RAD51B: variants seen among roughly 807,000 people sequenced by gnomAD.
RAD51B encodes the protein RAD51 paralog B.
Under a neutral mutation model 42.2 loss-of-function variants are expected in RAD51B, and 38 were observed. That is an observed-to-expected ratio of 0.90 (90% CI 0.70 to 1.18). The LOEUF is 1.18. Ranked by LOEUF, RAD51B falls within the 50% of genes most tolerant of loss-of-function variation. RAD51B has a pLI of 0.00. For synonymous variants in RAD51B, 154 were observed against 145.2 expected (o/e 1.06, Z -0.43); for missense variants, 373 against 400.7 (o/e 0.93, Z 0.59).
At chr14:68,362,835 T>C (rs1033648391) in intron 8 of RAD51B, among the ~76,000 whole-genome samples, 2 of 150,584 alleles carry the variant, frequency 1.3e-5, no homozygotes, top group African/African-American at 4.9e-5. Flanking sequence ...GGTGACAGAG[T>C]GAGATTCCGT....
At chr14:68,087,506 A>G (rs563540300) in intron 7 of RAD51B, among the ~76,000 whole-genome samples, 132 of 152,280 alleles carry the variant, frequency 8.7e-4, no homozygotes, top group African/African-American at 2.9e-3. Flanking sequence ...TTATGCTTAG[A>G]AAACCATTCT....
At chr14:68,059,080 CAAGCTT>C (rs2076527523) in intron 7 of RAD51B, among the ~76,000 whole-genome samples, 1 of 152,148 alleles carries the variant, frequency 6.6e-6, no homozygotes, top group East Asian at 1.9e-4. Flanking sequence ...CCTCTTCCAG[CAAGCTT>C]AAGCCCCCAA....
At position 68,541,536 on chromosome 14, in the gene RAD51B, T is replaced by G. The variant is rs1381919149; in HGVS notation, c.1037-52949T>G. ...ACTTTGCCTTGGAAACTCATGCAGG[T>G]CAGAGGGGAAAGTTGAGTCTAGATG... On this transcript the variant is annotated intron_variant, in intron 10 of 10. Coordinates refer to the RAD51B transcript ENST00000487270. The G allele has an allele frequency of 9.1e-6, 9 of 985,296 alleles. No homozygotes were observed. The Admixed American group carries it at 5.5e-4, about 61-fold the overall frequency. 61.0% of individuals were successfully genotyped at this position (985,296 alleles called of 1,614,324 possible).
At chr14:68,481,176 A>T (rs1421247188), downstream of RAD51B, among the ~76,000 whole-genome samples, 1 of 152,184 alleles carries the variant, frequency 6.6e-6, no homozygotes, top group Non-Finnish European at 1.5e-5. Context: ...ACGAACCTTG[A>T]GATAGGTGAG....
intron 10 of RAD51B, among the ~76,000 whole-genome samples, chr14:68,630,639 G>A (rs1431028381): frequency 6.6e-6 from 1 of 152,178 alleles, no homozygotes; most frequent in Non-Finnish European, 1.5e-5. Flanking sequence ...GGCAGGAGGT[G>A]CCAGGGTTTA....
chr14:68,388,093 TA>T (rs373996026), intron 8 of RAD51B, among the ~76,000 whole-genome samples: 1,481 of 137,120 alleles, frequency 0.011, 27 homozygotes, highest in African/African-American at 0.037. Flanking sequence ...TATATATATA[TA>T]TTTTTTTTTT....
intron 7 of RAD51B, among the ~76,000 whole-genome samples, chr14:68,238,412 C>T (rs2080311839): frequency 6.6e-6 from 1 of 151,902 alleles, no homozygotes; most frequent in Non-Finnish European, 1.5e-5. Flanking sequence ...GCAGTTCTCT[C>T]ACCTCAGCCT....
At chr14:68,415,025 C>CT (rs1472965830) in intron 9 of RAD51B, among the ~76,000 whole-genome samples, 6 of 87,382 alleles carry the variant, frequency 6.9e-5, no homozygotes, top group African/African-American at 3.0e-4. Context: ...GAGCAAGACT[C>CT]TGTCTCAAAA....
At chr14:68,607,919 G>C (rs780782062) in intron 10 of RAD51B, among the ~76,000 whole-genome samples, 14 of 152,230 alleles carry the variant, frequency 9.2e-5, no homozygotes, top group Non-Finnish European at 1.6e-4. Flanking sequence ...AGAAGAGCCA[G>C]GCCGAAAGGC....
At chr14:68,003,444 A>G (rs1256939576) in intron 7 of RAD51B, among the ~76,000 whole-genome samples, 3 of 152,218 alleles carry the variant, frequency 2.0e-5, no homozygotes, top group South Asian at 4.1e-4. Flanking sequence ...TTTTCTAGGT[A>G]TAGGATCATG....
At chr14:68,440,740 C>G (rs1309789494) in intron 9 of RAD51B, among the ~76,000 whole-genome samples, 1 of 148,662 alleles carries the variant, frequency 6.7e-6, no homozygotes, top group Non-Finnish European at 1.5e-5. Context: ...GAGCGAAACT[C>G]CATCTCAAAA....
chr14:68,158,398 G>T (rs1301979977), intron 7 of RAD51B, among the ~76,000 whole-genome samples: 1 of 152,180 alleles, frequency 6.6e-6, no homozygotes, highest in Non-Finnish European at 1.5e-5. Flanking sequence ...CCTATGAAAT[G>T]CCGAACTGTA....
intron 8 of RAD51B, among the ~76,000 whole-genome samples, chr14:68,323,013 G>A (rs1183283456): frequency 6.6e-6 from 1 of 152,206 alleles, no homozygotes; most frequent in Non-Finnish European, 1.5e-5. Flanking sequence ...TTCAAAAGGC[G>A]AAGCAAGAAC....
intron 10 of RAD51B, among the ~76,000 whole-genome samples, chr14:68,522,024 G>C (rs1886617756): frequency 6.6e-6 from 1 of 152,232 alleles, no homozygotes; most frequent in Non-Finnish European, 1.5e-5. Flanking sequence ...GGCTGGATGA[G>C]AGATGTTTGT....
At chr14:68,461,519 A>G (rs914310744) in intron 9 of RAD51B, among the ~76,000 whole-genome samples, 1 of 152,180 alleles carries the variant, frequency 6.6e-6, no homozygotes, top group East Asian at 1.9e-4. Flanking sequence ...TTCAGTACTT[A>G]TAAGCTACCT....
intron 7 of RAD51B, among the ~76,000 whole-genome samples, chr14:68,044,749 C>T (rs1273437680): frequency 2.0e-5 from 3 of 151,774 alleles, no homozygotes; most frequent in Non-Finnish European, 2.9e-5. Context: ...TTTGCTTGCC[C>T]CCGCCCCCAA....
intron 10 of RAD51B, among the ~76,000 whole-genome samples, chr14:68,493,573 T>G (rs1238923900): frequency 6.6e-6 from 1 of 152,238 alleles, no homozygotes; most frequent in East Asian, 1.9e-4. Context: ...TAGCTCGGAT[T>G]TTATTTTTTA....
chr14:68,189,296 C>A (rs1253306520), intron 7 of RAD51B, among the ~76,000 whole-genome samples: 2 of 152,186 alleles, frequency 1.3e-5, no homozygotes, highest in East Asian at 3.9e-4. Flanking sequence ...TCAATAAGTA[C>A]TTGAATATGA....
Position 68,561,299 on chromosome 14 carries a change from C to T in RAD51B, c.1037-33186C>T, listed in dbSNP as rs571903301. ...CATTTAGGGGGCTTATTAAAAATATCGGTTTCTAACCCCACCACTCAAAGT... is the reference window on the plus strand; with the variant it reads ...CATTTAGGGGGCTTATTAAAAATATTGGTTTCTAACCCCACCACTCAAAGT... On this transcript the variant is annotated intron_variant, in intron 10 of 10. Transcript: ENST00000487270. Among the ~76,000 whole-genome samples the T allele has an allele frequency of 2.6e-5, 4 of 152,324 alleles. No individual in the cohort carries two copies. In the South Asian group the frequency reaches 6.2e-4, roughly 24 times the overall value.
Sources: allele counts gnomAD v4.1 joint callset (sites outside exome capture counted in the v4.1 genomes callset), GRCh38; gene constraint gnomAD v4.1.1; transcripts MANE v1.5; gene names NCBI Gene and HGNC (gene_info 2026-07-23, HGNC 2026-07-21).